PTPRD: variants seen among roughly 807,000 people sequenced by gnomAD.
The protein encoded by PTPRD is receptor-type tyrosine-protein phosphatase delta.
A neutral mutation model predicts 214.5 loss-of-function variants in PTPRD; 34 were observed. That is an observed-to-expected ratio of 0.16 (90% CI 0.12 to 0.21). The LOEUF is 0.21. Ranked by LOEUF, PTPRD falls within the 10% of genes least tolerant of loss-of-function variation. The pLI is 1.00. For synonymous variants in PTPRD, 1,128 were observed against 845.7 expected (o/e 1.33, Z -5.79); for missense variants, 2,545 against 2,398.7 (o/e 1.06, Z -1.27).
chr9:8,367,417 G>A (rs1208295756), intron 39 of PTPRD, among the ~76,000 whole-genome samples: 1 of 152,018 alleles, frequency 6.6e-6, no homozygotes, highest in Non-Finnish European at 1.5e-5. Flanking sequence ...GGAGGTGAGG[G>A]TGGTGAGCAA....
intron 14 of PTPRD, among the ~76,000 whole-genome samples, chr9:8,550,763 A>C (rs2081844285): frequency 6.6e-6 from 1 of 152,242 alleles, no homozygotes; most frequent in African/African-American, 2.4e-5. Context: ...TATAGTCTAC[A>C]GCTTTAACTA....
Position 8,923,774 on chromosome 9 carries a change from A to T in PTPRD, c.-104+94923T>A, listed in dbSNP as rs569911628. 2.4e-4 allele frequency among the ~76,000 whole-genome samples: 36 copies of T among 152,308 alleles called. No individual in the cohort carries two copies. The South Asian group carries it at 7.2e-3, about 31-fold the overall frequency. ...TGCTACCTACCAAACGGCAATGAAC[A>T]CCAGGACATGTGGCTCTACGTGCCA... On this transcript the variant is annotated intron_variant, in intron 11 of 45. Coordinates refer to ENST00000381196, the MANE Select transcript of PTPRD (RefSeq NM_002839.4).
At position 9,031,413 on chromosome 9, in the gene PTPRD, C is replaced by T. The variant is rs1321001705; in HGVS notation, c.-142-12678G>A. Among the ~76,000 whole-genome samples the T allele has an allele frequency of 4.6e-5, 7 of 151,926 alleles. 1 individual carries two copies. The highest frequency in any genetic ancestry group is 2.9e-5 in the Non-Finnish European group (2 of 67,964). On this transcript the variant is annotated intron_variant, in intron 10 of 45. Coordinates refer to ENST00000381196, the MANE Select transcript of PTPRD (RefSeq NM_002839.4). ...TAGCCCACTACACAACTCGGCTATG[C>T]GGTATAGCCTATAGCTCCTAGGTCA...
intron 14 of PTPRD, among the ~76,000 whole-genome samples, chr9:8,561,606 GA>G (rs777834987): frequency 3.3e-4 from 51 of 152,282 alleles, no homozygotes; most frequent in South Asian, 1.0e-3. Context: ...AGGTGGGGGT[GA>G]GGGGGGGTGG....
At position 10,142,225 on chromosome 9, in the gene PTPRD, A is replaced by T. The variant is rs2098990838; in HGVS notation, c.-544-108435T>A. Among the ~76,000 whole-genome samples, 3 of 151,776 alleles carry T rather than the reference A, an allele frequency of 2.0e-5. No individual in the cohort carries two copies. The South Asian group carries it at 6.3e-4, about 32-fold the overall frequency. On this transcript the variant is annotated intron_variant, in intron 3 of 45. Coordinates refer to ENST00000381196, the MANE Select transcript of PTPRD (RefSeq NM_002839.4). Reference sequence around the variant, plus strand: ...GGACATAGGCATGGGCAAGGACTTCATGTCTAAAACACCAAAAGCAATGGC... The same window carrying T: ...GGACATAGGCATGGGCAAGGACTTCTTGTCTAAAACACCAAAAGCAATGGC...
At chr9:8,709,084 A>G (rs1372678415) in intron 12 of PTPRD, among the ~76,000 whole-genome samples, 1 of 151,912 alleles carries the variant, frequency 6.6e-6, no homozygotes, top group Non-Finnish European at 1.5e-5. Flanking sequence ...AGTGGCTATC[A>G]GAGGCTGGGT....
At chr9:9,142,872 T>C (rs2099862615) in intron 10 of PTPRD, among the ~76,000 whole-genome samples, 2 of 152,124 alleles carry the variant, frequency 1.3e-5, no homozygotes, top group Non-Finnish European at 2.9e-5. Context: ...TACAGGGCCA[T>C]ATTGTTGGGC....
In PTPRD at chr9:9,019,332, GA is replaced by G. The variant is rs1213966387; in HGVS notation, c.-142-598del. The stretch of plus-strand genomic sequence containing the variant: ...AGAAAGAAAGAAAGAAAGAAAGAAA[GA>G]AAGAACGAAAGAAAGAAAGAAAGAA... On this transcript the variant is annotated intron_variant, in intron 10 of 45. Coordinates refer to ENST00000381196, the MANE Select transcript of PTPRD (RefSeq NM_002839.4). 2.7e-4 allele frequency among the ~76,000 whole-genome samples: 7 copies of G among 25,960 alleles called. No individual in the cohort carries two copies. The South Asian group carries it at 8.7e-3, about 32-fold the overall frequency. 17.0% of individuals were successfully genotyped at this position (25,960 alleles called of 152,430 possible). A position where few individuals can be genotyped will look rare whatever the true frequency, so the allele number is the denominator to read the frequency against.
chr9:10,165,672 T>C (rs1254376599), intron 3 of PTPRD, among the ~76,000 whole-genome samples: 1 of 151,622 alleles, frequency 6.6e-6, no homozygotes, highest in Non-Finnish European at 1.5e-5. Flanking sequence ...AGACCTAGAA[T>C]AGTTGATGAA....
chr9:10,518,826 T>A (rs1026608872), intron 2 of PTPRD, among the ~76,000 whole-genome samples: 1 of 151,884 alleles, frequency 6.6e-6, no homozygotes, highest in African/African-American at 2.4e-5. Flanking sequence ...GCCACCGCGC[T>A]CAGCCTTACA....
chr9:8,614,958 C>A (rs534995545), intron 14 of PTPRD, among the ~76,000 whole-genome samples: 1 of 152,228 alleles, frequency 6.6e-6, no homozygotes, highest in African/African-American at 2.4e-5. Flanking sequence ...AAAGGAGAGC[C>A]CACTCTTGAG....
chr9:8,596,443 T>C (rs1464359176), intron 14 of PTPRD, among the ~76,000 whole-genome samples: 2 of 152,144 alleles, frequency 1.3e-5, no homozygotes, highest in Non-Finnish European at 1.5e-5. Flanking sequence ...GTAAATTACA[T>C]TGAGTTCATG....
At chr9:9,291,529 T>A (rs1234706372) in intron 9 of PTPRD, among the ~76,000 whole-genome samples, 1 of 151,352 alleles carries the variant, frequency 6.6e-6, no homozygotes, top group Non-Finnish European at 1.5e-5. Context: ...AAACGGGATT[T>A]CCCAGTGTTT....
intron 6 of PTPRD, among the ~76,000 whole-genome samples, chr9:9,764,783 C>G (rs868867018): frequency 1.3e-5 from 2 of 152,110 alleles, no homozygotes; most frequent in African/African-American, 2.4e-5. Context: ...ATACTTCAAA[C>G]CCAGGAAGGT....
chr9:9,607,529 A>G (rs886491118), intron 7 of PTPRD, among the ~76,000 whole-genome samples: 3 of 152,156 alleles, frequency 2.0e-5, no homozygotes, highest in African/African-American at 7.2e-5. Context: ...ACTTTCTTTA[A>G]GAAACCAAAA....
At chr9:9,692,364 C>G (rs1173051666) in intron 7 of PTPRD, among the ~76,000 whole-genome samples, 1 of 152,020 alleles carries the variant, frequency 6.6e-6, no homozygotes, top group African/African-American at 2.4e-5. Flanking sequence ...GTATTCCCAG[C>G]ACCATTTATT....
At chr9:9,373,413 C>T (rs189471394) in intron 9 of PTPRD, among the ~76,000 whole-genome samples, 46 of 152,102 alleles carry the variant, frequency 3.0e-4, no homozygotes, top group East Asian at 9.7e-4. Context: ...TGTAACAAAT[C>T]GCATACTACA....
At chr9:10,581,994 T>C (rs2072032815) in intron 2 of PTPRD, among the ~76,000 whole-genome samples, 2 of 152,184 alleles carry the variant, frequency 1.3e-5, no homozygotes, top group African/African-American at 2.4e-5. Flanking sequence ...CAAGGATTCC[T>C]GAATTCTGAA....
intron 5 of PTPRD, among the ~76,000 whole-genome samples, chr9:9,808,501 G>C (rs1171497961): frequency 6.6e-6 from 1 of 152,112 alleles, no homozygotes; most frequent in African/African-American, 2.4e-5. Flanking sequence ...ACCCGGATAG[G>C]CTTTGTATCT....
Sources: allele counts gnomAD v4.1 joint callset (sites outside exome capture counted in the v4.1 genomes callset), GRCh38; gene constraint gnomAD v4.1.1; transcripts MANE v1.5; gene names NCBI Gene and HGNC (gene_info 2026-07-23, HGNC 2026-07-21).